The following CNTNAP2 variants were observed in gnomAD, a reference collection of about 807,000 sequenced individuals.
CNTNAP2 encodes contactin-associated protein-like 2.
Under a neutral mutation model 155.2 loss-of-function variants are expected in CNTNAP2, and 98 were observed. The ratio of observed to expected loss-of-function variants is 0.63; its 90% CI spans 0.54 to 0.75. The LOEUF (loss-of-function observed/expected upper bound fraction) is 0.75, where lower values mean the gene tolerates loss of function less well. Among genes scored for constraint, CNTNAP2 ranks in the 30% least tolerant of loss-of-function variants. The pLI, the probability that CNTNAP2 is intolerant of heterozygous loss-of-function variation, is 0.00. For missense variants in CNTNAP2, 1,727 were observed against 1,688.1 expected (o/e 1.02, Z -0.40); for synonymous variants, 651 against 631.2 (o/e 1.03, Z -0.47).
At chr7:147,336,545 T>G (rs547842099) in intron 9 of CNTNAP2, among the ~76,000 whole-genome samples, 18 of 152,292 alleles carry the variant, frequency 1.2e-4, no homozygotes, top group Non-Finnish European at 2.4e-4. Context: ...CAAGAGAAAT[T>G]ATTTACCATC....
At chr7:147,752,067 A>G (rs1295823684) in intron 13 of CNTNAP2, among the ~76,000 whole-genome samples, 1 of 152,224 alleles carries the variant, frequency 6.6e-6, no homozygotes, top group Non-Finnish European at 1.5e-5. Flanking sequence ...CACAGTGACT[A>G]CTGTGGAGCA....
chr7:147,257,903 C>T (rs561384494), intron 8 of CNTNAP2, among the ~76,000 whole-genome samples: 8 of 152,258 alleles, frequency 5.3e-5, no homozygotes, highest in African/African-American at 1.2e-4. Context: ...CAGATTGCAT[C>T]GTTTCAGTAT....
At chr7:147,760,533 C>T (rs1797282757) in intron 13 of CNTNAP2, among the ~76,000 whole-genome samples, 1 of 152,176 alleles carries the variant, frequency 6.6e-6, no homozygotes, top group African/African-American at 2.4e-5. Flanking sequence ...CAGAGTTATA[C>T]ATTACAGTTT....
At chr7:147,020,770 T>G (rs1798804644) in intron 3 of CNTNAP2, among the ~76,000 whole-genome samples, 1 of 152,122 alleles carries the variant, frequency 6.6e-6, no homozygotes, top group South Asian at 2.1e-4. Flanking sequence ...GCTTGGAAGT[T>G]TGAACATAGT....
At chr7:146,892,380 C>A (rs1048422051) in intron 3 of CNTNAP2, among the ~76,000 whole-genome samples, 1 of 152,140 alleles carries the variant, frequency 6.6e-6, no homozygotes, top group Non-Finnish European at 1.5e-5. Flanking sequence ...CCAATCATTC[C>A]ATTGGTTGAA....
chr7:146,731,950 A>AT (rs199763245), intron 1 of CNTNAP2, among the ~76,000 whole-genome samples: 2,342 of 152,002 alleles, frequency 0.015, 61 homozygotes, highest in African/African-American at 0.054. Flanking sequence ...TATATATATA[A>AT]AAGCATCCAA....
intron 3 of CNTNAP2, among the ~76,000 whole-genome samples, chr7:147,006,370 T>C (rs879283962): frequency 6.6e-6 from 1 of 152,054 alleles, no homozygotes; most frequent in Non-Finnish European, 1.5e-5. Context: ...GGAGATATCT[T>C]TTACAAATAG....
At chr7:146,460,907 A>G (rs1390618674) in intron 1 of CNTNAP2, among the ~76,000 whole-genome samples, 8 of 152,220 alleles carry the variant, frequency 5.3e-5, no homozygotes, top group African/African-American at 1.9e-4. Flanking sequence ...ATTGTACTGC[A>G]TGGTAACTAT....
At chr7:147,795,095 C>G (rs548273745) in intron 13 of CNTNAP2, among the ~76,000 whole-genome samples, 1 of 151,800 alleles carries the variant, frequency 6.6e-6, no homozygotes, top group East Asian at 1.9e-4. Flanking sequence ...TATATCTCCA[C>G]TCTAGCTTTT....
At chr7:148,272,642 T>TA (rs200342493) in intron 21 of CNTNAP2, among the ~76,000 whole-genome samples, 4,667 of 151,928 alleles carry the variant, frequency 0.031, 158 homozygotes, top group African/African-American at 0.083. Context: ...AGCACTTAGA[T>TA]AAAAAAAATA....
chr7:146,367,160 T>C (rs1795167466), intron 1 of CNTNAP2, among the ~76,000 whole-genome samples: 1 of 152,172 alleles, frequency 6.6e-6, no homozygotes. Context: ...TGATGACTAA[T>C]ATCATGGATG....
At chr7:146,775,424 A>G (rs979833064) in intron 2 of CNTNAP2, among the ~76,000 whole-genome samples, 7 of 152,146 alleles carry the variant, frequency 4.6e-5, no homozygotes, top group African/African-American at 1.7e-4. Context: ...ATAAATATAT[A>G]AATTTTTTGT....
intron 11 of CNTNAP2, among the ~76,000 whole-genome samples, chr7:147,506,675 G>C (rs7808274): frequency 6.6e-6 from 1 of 152,032 alleles, no homozygotes; most frequent in Non-Finnish European, 1.5e-5. Flanking sequence ...TTAGTTGCCC[G>C]GAAGGTGTGA....
At chr7:148,148,522 G>A (rs1195379832) in intron 17 of CNTNAP2, among the ~76,000 whole-genome samples, 2 of 152,246 alleles carry the variant, frequency 1.3e-5, no homozygotes, top group Admixed American at 1.3e-4. Flanking sequence ...TCTCTAGGGG[G>A]TCAATTGATC....
In CNTNAP2 at chr7:147,527,072, G is replaced by C. The variant is rs575038826; in HGVS notation, c.1778-35066G>C. Among the ~76,000 whole-genome samples the C allele has an allele frequency of 1.9e-4, 25 of 132,890 alleles. No individual in the cohort carries two copies. The East Asian group carries it at 4.7e-3, about 25-fold the overall frequency. The allele number at this position is 132,890 out of a possible 152,430, so 87.2% of individuals were successfully genotyped here. On this transcript the variant is annotated intron_variant, in intron 11 of 23. Transcript: ENST00000361727. Reference sequence around the variant, plus strand: ...GAGTCTTTCTCTGTCACCTGGGCTGGAGTGCAGTGGTGTGATCTCGGCTCA... The same window carrying C: ...GAGTCTTTCTCTGTCACCTGGGCTGCAGTGCAGTGGTGTGATCTCGGCTCA...
chr7:146,421,358 A>G (rs1796009810), intron 1 of CNTNAP2, among the ~76,000 whole-genome samples: 1 of 152,030 alleles, frequency 6.6e-6, no homozygotes, highest in Non-Finnish European at 1.5e-5. Context: ...AAACATAAAC[A>G]AATGTCCCTG....
chr7:146,622,099 C>A (rs1363168273), intron 1 of CNTNAP2, among the ~76,000 whole-genome samples: 1 of 149,100 alleles, frequency 6.7e-6, no homozygotes, highest in Non-Finnish European at 1.5e-5. Flanking sequence ...TATTTTCTGG[C>A]ATTACAACTT....
At chr7:147,885,716 G>A (rs1013776608) in intron 13 of CNTNAP2, among the ~76,000 whole-genome samples, 1 of 152,142 alleles carries the variant, frequency 6.6e-6, no homozygotes, top group Non-Finnish European at 1.5e-5. Context: ...CCTCAAATCT[G>A]ATGATGTCGG....
At chr7:148,303,018 A>G (rs534915195) in intron 21 of CNTNAP2, among the ~76,000 whole-genome samples, 2 of 151,638 alleles carry the variant, frequency 1.3e-5, no homozygotes, top group African/African-American at 4.8e-5. Flanking sequence ...AGAGTTTCAC[A>G]TGTTGGCCAT....
Sources: allele counts gnomAD v4.1 joint callset (sites outside exome capture counted in the v4.1 genomes callset), GRCh38; gene constraint gnomAD v4.1.1; transcripts MANE v1.5; gene names NCBI Gene and HGNC (gene_info 2026-07-23, HGNC 2026-07-21).